Variants in NTF3 observed in about 807,000 individuals in gnomAD.
The protein encoded by NTF3 is neurotrophin-3.
A neutral mutation model predicts 26.3 loss-of-function variants in NTF3; 8 were observed. That is an observed-to-expected ratio of 0.30 (90% CI 0.18 to 0.55). NTF3 has a LOEUF of 0.55. NTF3 is among the 20% of genes least tolerant of loss of function. NTF3 has a pLI of 0.93. For missense variants in NTF3, 276 were observed against 352.9 expected, an observed-to-expected ratio of 0.78 and a Z score of 1.75; for synonymous variants, 154 against 145.5, an observed-to-expected ratio of 1.06 and a Z score of -0.42.
chr12:5,431,078 CG>C (rs1464719714), upstream of NTF3, among the ~76,000 whole-genome samples: 7 of 152,094 alleles, frequency 4.6e-5, no homozygotes, highest in African/African-American at 1.4e-4. Flanking sequence ...TGAGGTCTAA[CG>C]GGCAGCTAAA....
chr12:5,447,127 C>T (rs984518368), intron 1 of NTF3, among the ~76,000 whole-genome samples: 1 of 152,294 alleles, frequency 6.6e-6, no homozygotes, highest in Non-Finnish European at 1.5e-5. Context: ...TGTGTACCTG[C>T]CACCATCACC....
chr12:5,443,673 G>A (rs1193758592), intron 1 of NTF3, among the ~76,000 whole-genome samples: 1 of 152,108 alleles, frequency 6.6e-6, no homozygotes, highest in Non-Finnish European at 1.5e-5. Flanking sequence ...TTTTTATGGA[G>A]GTTTTCTTTG....
At chr12:5,491,913 A>G (rs1355031411) in intron 1 of NTF3, among the ~76,000 whole-genome samples, 1 of 150,680 alleles carries the variant, frequency 6.6e-6, no homozygotes, top group Non-Finnish European at 1.5e-5. Context: ...ACGGGGTTTC[A>G]CCTTGTTAGC....
intron 1 of NTF3, among the ~76,000 whole-genome samples, chr12:5,440,387 C>G (rs965841488): frequency 1.3e-5 from 2 of 152,182 alleles, no homozygotes; most frequent in Non-Finnish European, 2.9e-5. Flanking sequence ...CCCCTTCCCT[C>G]TGTTTCTAGA....
chr12:5,432,104 C>A, upstream of NTF3: 2 of 618,586 alleles, frequency 3.2e-6, no homozygotes, highest in South Asian at 3.6e-5. Context: ...ATTCTGTTCA[C>A]GGGACTCAGA....
At chr12:5,462,404 C>T (rs1375469125) in intron 1 of NTF3, among the ~76,000 whole-genome samples, 1 of 152,180 alleles carries the variant, frequency 6.6e-6, no homozygotes, top group Non-Finnish European at 1.5e-5. Flanking sequence ...TCTCTAACCT[C>T]AGCTTTCTCC....
chr12:5,462,157 T>G (rs937311569), intron 1 of NTF3, among the ~76,000 whole-genome samples: 1 of 151,956 alleles, frequency 6.6e-6, no homozygotes, highest in African/African-American at 2.4e-5. Flanking sequence ...TCCACTGTCA[T>G]GCCTTTGCCT....
Position 5,494,631 on chromosome 12 carries a change from C to T in NTF3, c.456C>T (p.Tyr152=), listed in dbSNP as rs1416749123. The change falls in exon 2 of 2, where the codon TAC becomes TAT. Residue 152 remains tyrosine (Y), a synonymous_variant. Transcript: ENST00000423158. This position sits in a 1 kb window ranked among gnomAD's most constrained non-coding sequence, Gnocchi z 8.3. ...ACAGAACATCACGGCGGAAACGGTA[C>T]GCGGAGCATAAGAGTCACCGAGGGG... ...VANRTSRRKR[Y]AEHKSHRGEY... 1.9e-6 allele frequency: 3 copies of T among 1,614,028 alleles called. No individual in the cohort carries two copies. The highest frequency in any genetic ancestry group is 1.7e-5 in the Admixed American group (1 of 60,014).
intron 1 of NTF3, among the ~76,000 whole-genome samples, chr12:5,471,521 C>G (rs1427671376): frequency 6.6e-6 from 1 of 152,198 alleles, no homozygotes; most frequent in East Asian, 1.9e-4. Flanking sequence ...AGGCCCTCAC[C>G]TGGAGCGTCT....
rs1014628567 is a variant in NTF3 at position 5,440,079 on chromosome 12, T to C, written c.18+7737T>C. On this transcript the variant is annotated intron_variant, in intron 1 of 1. Coordinates refer to ENST00000423158, the MANE Select transcript of NTF3 (RefSeq NM_001102654.2). ...GTTCTTGGGGTGGATGTTGCCCTGT[T>C]TGAAGATTGTGACTAAAGGCTCATT... 2.0e-5 allele frequency among the ~76,000 whole-genome samples: 3 copies of C among 152,178 alleles called. No individual in the cohort carries two copies. In the East Asian group the frequency reaches 5.8e-4, roughly 29 times the overall value.
intron 1 of NTF3, among the ~76,000 whole-genome samples, chr12:5,473,227 G>GT (rs1940686376): frequency 6.6e-6 from 1 of 152,172 alleles, no homozygotes; most frequent in South Asian, 2.1e-4. Flanking sequence ...TCCCTAGGAA[G>GT]TACATTCTTT....
intron 1 of NTF3, among the ~76,000 whole-genome samples, chr12:5,476,652 A>C (rs751748391): frequency 1.2e-4 from 19 of 152,208 alleles, no homozygotes; most frequent in Non-Finnish European, 2.5e-4. Context: ...AGCTCTGCAC[A>C]TGGAGATACT....
intron 1 of NTF3, among the ~76,000 whole-genome samples, chr12:5,490,368 T>C (rs1202293940): frequency 1.3e-5 from 2 of 152,198 alleles, no homozygotes; most frequent in East Asian, 3.9e-4. Flanking sequence ...GGAAAGGACA[T>C]GGTCCCTGTC....
intron 1 of NTF3, among the ~76,000 whole-genome samples, chr12:5,463,909 G>A (rs931465093): frequency 7.2e-5 from 11 of 152,152 alleles, no homozygotes; most frequent in African/African-American, 9.7e-5. Context: ...GCATAATAAC[G>A]AAATAAATAA....
chr12:5,473,719 A>G (rs1267627618), intron 1 of NTF3, among the ~76,000 whole-genome samples: 2 of 152,200 alleles, frequency 1.3e-5, no homozygotes, highest in Admixed American at 6.5e-5. Flanking sequence ...TCCATGTCCT[A>G]CTGAGCTGCC....
Position 5,494,587 on chromosome 12 carries a change from G to A in NTF3, c.412G>A (p.Gly138Ser), listed in dbSNP as rs1378870343. The A allele has an allele frequency of 6.2e-7, 1 of 1,614,128 alleles. No homozygotes were observed. Residue 138 changes from glycine (G) to serine (S), a missense_variant, in exon 2 of 2, where the codon GGC becomes AGC. Gly to Ser is a moderately conservative substitution (Grantham distance 56). Coordinates refer to ENST00000423158, the MANE Select transcript of NTF3 (RefSeq NM_001102654.2). This position sits in a 1 kb window ranked among gnomAD's most constrained non-coding sequence, Gnocchi z 8.3. ...CTTGTATCTCATGGAGGATTACGTGGGCAGCCCCGTGGTGGCGAACAGAAC... is the reference window on the plus strand; with the variant it reads ...CTTGTATCTCATGGAGGATTACGTGAGCAGCCCCGTGGTGGCGAACAGAAC... ...PPLYLMEDYVGSPVVANRTSR... is the reference protein window; with the variant it reads ...PPLYLMEDYVSSPVVANRTSR...
intron 1 of NTF3, among the ~76,000 whole-genome samples, chr12:5,457,193 G>A (rs778144026): frequency 2.6e-5 from 4 of 152,226 alleles, no homozygotes; most frequent in Non-Finnish European, 5.9e-5. Context: ...GAAACTAACC[G>A]AATCTTGTCA....
Position 5,494,724 on chromosome 12 carries a change from A to G in NTF3, c.549A>G (p.Gly183=). Residue 183 remains glycine (G), a synonymous_variant, in exon 2 of 2, where the codon GGA becomes GGG. Transcript: ENST00000423158. This position sits in a 1 kb window ranked among gnomAD's most constrained non-coding sequence, Gnocchi z 8.3. ...TDKSSAIDIR[G]HQVTVLGEIK... ...AGTCATCGGCCATCGACATTCGGGG[A>G]CACCAGGTCACGGTGCTGGGGGAGA... is the stretch of plus-strand genomic sequence containing the variant. 1 of 1,614,158 alleles carries G rather than the reference A, an allele frequency of 6.2e-7. No individual in the cohort carries two copies. The highest frequency in any genetic ancestry group is 8.5e-7 in the Non-Finnish European group (1 of 1,180,024).
chr12:5,440,626 C>T (rs1227425406), intron 1 of NTF3, among the ~76,000 whole-genome samples: 1 of 152,226 alleles, frequency 6.6e-6, no homozygotes, highest in Non-Finnish European at 1.5e-5. Context: ...GTCCTCCTAA[C>T]ACCCACCTGG....
Sources: allele counts gnomAD v4.1 joint callset (sites outside exome capture counted in the v4.1 genomes callset), GRCh38; gene constraint gnomAD v4.1.1; non-coding constraint Gnocchi (gnomAD v3.1); transcripts MANE v1.5; gene names NCBI Gene and HGNC (gene_info 2026-07-23, HGNC 2026-07-21).